The following THSD7A variants were observed in gnomAD, a reference collection of about 807,000 sequenced individuals.
THSD7A encodes the protein thrombospondin type 1 domain containing 7A.
In THSD7A, 96 loss-of-function variants were observed where a neutral mutation model predicts 231.3. The ratio of observed to expected loss-of-function variants is 0.41; its 90% CI spans 0.35 to 0.49. The LOEUF (loss-of-function observed/expected upper bound fraction) is 0.49. THSD7A is among the 20% of genes least tolerant of loss of function. The pLI is 0.05. For missense variants in THSD7A, 2,290 were observed against 2,070.2 expected (o/e 1.11, Z -2.06); for synonymous variants, 940 against 743.3 (o/e 1.26, Z -4.30).
chr7:11,732,040 G>A (rs1781753512), intron 1 of THSD7A, among the ~76,000 whole-genome samples: 1 of 151,518 alleles, frequency 6.6e-6, no homozygotes, highest in African/African-American at 2.4e-5. Flanking sequence ...TATATATTAA[G>A]AACAATGCTA....
At chr7:11,577,476 C>A (rs981038864) in intron 4 of THSD7A, among the ~76,000 whole-genome samples, 14 of 151,886 alleles carry the variant, frequency 9.2e-5, no homozygotes, top group Admixed American at 7.2e-4. Context: ...GCCACCACAC[C>A]CAGCTAATTT....
intron 4 of THSD7A, among the ~76,000 whole-genome samples, chr7:11,570,471 T>C (rs147359614): frequency 4.7e-4 from 71 of 152,252 alleles, no homozygotes; most frequent in African/African-American, 1.5e-3. Flanking sequence ...TATTTCAAAA[T>C]AGCTGGAAGA....
At chr7:11,653,744 C>T (rs1202078379) in intron 1 of THSD7A, among the ~76,000 whole-genome samples, 1 of 151,808 alleles carries the variant, frequency 6.6e-6, no homozygotes, top group Non-Finnish European at 1.5e-5. Context: ...AGCACAATAG[C>T]AGGAATTGGC....
intron 1 of THSD7A, among the ~76,000 whole-genome samples, chr7:11,725,651 T>C (rs984049483): frequency 2.6e-5 from 4 of 152,062 alleles, no homozygotes; most frequent in African/African-American, 2.4e-5. Context: ...AATAGACTTA[T>C]ATTGGTATAT....
intron 2 of THSD7A, among the ~76,000 whole-genome samples, chr7:11,617,125 A>G (rs1781133664): frequency 6.6e-6 from 1 of 152,188 alleles, no homozygotes; most frequent in Non-Finnish European, 1.5e-5. Flanking sequence ...ACCAAAAGTA[A>G]CATTTTATTT....
intron 1 of THSD7A, among the ~76,000 whole-genome samples, chr7:11,745,373 T>A (rs536971676): frequency 1.4e-5 from 2 of 144,204 alleles, no homozygotes; most frequent in African/African-American, 2.9e-5. Flanking sequence ...ATTGCAAAAA[T>A]TTTTTTCCCA....
In THSD7A at chr7:11,566,014, C is replaced by T. The variant is rs142674067; in HGVS notation, c.1454-22897G>A. On this transcript the variant is annotated intron_variant, in intron 4 of 27. Coordinates refer to ENST00000423059, the MANE Select transcript of THSD7A (RefSeq NM_015204.3). ...GGCTGCTAATATTCACCCCACTCAT[C>T]GCAAGACACATGATATCTATGACAA... 1.7e-4 allele frequency among the ~76,000 whole-genome samples: 26 copies of T among 151,880 alleles called. No homozygotes were observed. The East Asian group carries it at 4.7e-3, about 27-fold the overall frequency.
chr7:11,620,438 A>AT (rs1331108854), intron 2 of THSD7A, among the ~76,000 whole-genome samples: 4 of 152,224 alleles, frequency 2.6e-5, no homozygotes, highest in African/African-American at 9.6e-5. Context: ...GATTACAAGT[A>AT]TAAAGACATA....
intron 6 of THSD7A, among the ~76,000 whole-genome samples, chr7:11,539,933 GTACTAT>G (rs1203389444): frequency 6.6e-6 from 1 of 152,182 alleles, no homozygotes; most frequent in Non-Finnish European, 1.5e-5. Context: ...AAACGATCAA[GTACTAT>G]TACTGAGGGA....
chr7:11,531,800 T>C (rs1451469580), intron 6 of THSD7A, among the ~76,000 whole-genome samples: 1 of 152,174 alleles, frequency 6.6e-6, no homozygotes, highest in Non-Finnish European at 1.5e-5. Flanking sequence ...CTTCCGGGTA[T>C]AGCTCTATAG....
chr7:11,420,621 C>A (rs548314949), intron 16 of THSD7A, among the ~76,000 whole-genome samples: 17 of 152,346 alleles, frequency 1.1e-4, no homozygotes, highest in Non-Finnish European at 2.4e-4. Context: ...CCCCCCCACA[C>A]AGAGTCCCCA....
intron 1 of THSD7A, among the ~76,000 whole-genome samples, chr7:11,713,806 G>A (rs150667312): frequency 1.3e-5 from 2 of 151,314 alleles, no homozygotes; most frequent in South Asian, 2.1e-4. Flanking sequence ...ATTCCTATCA[G>A]TGGGTGCTGA....
chr7:11,373,747 C>G lies in THSD7A; in HGVS notation c.*2047G>C, dbSNP rs1482335011. 1.3e-5 allele frequency: 2 copies of G among 151,980 alleles called. No homozygotes were observed. The highest frequency in any genetic ancestry group is 4.8e-5 in the African/African-American group (2 of 41,398). 9.4% of individuals were successfully genotyped at this position (151,980 alleles called of 1,614,324 possible). On this transcript the variant is annotated 3_prime_UTR_variant, in exon 28 of 28. Transcript: ENST00000423059. ...TAATGAACAGCAGGGGGAGTTCATA[C>G]TCCAGTATGAAGGTAAAAATACCTT...
chr7:11,640,244 A>G (rs1024222928), intron 1 of THSD7A, among the ~76,000 whole-genome samples: 4 of 152,230 alleles, frequency 2.6e-5, no homozygotes, highest in African/African-American at 9.6e-5. Context: ...ACATAGAACA[A>G]GTTCAGTAAT....
chr7:11,775,031 G>A lies in THSD7A; in HGVS notation c.190+56726C>T, dbSNP rs375649553. Among the ~76,000 whole-genome samples, 46 of 152,244 alleles carry A rather than the reference G, an allele frequency of 3.0e-4. No homozygotes were observed. The East Asian group carries it at 7.9e-3, about 26-fold the overall frequency. On this transcript the variant is annotated intron_variant, in intron 1 of 27. Coordinates refer to ENST00000423059, the MANE Select transcript of THSD7A (RefSeq NM_015204.3). ...TGCACTCCAGCCTGGGTGACAGAGT[G>A]AGATTTGTCTCAAAAGCAAACAAAA...
intron 1 of THSD7A, among the ~76,000 whole-genome samples, chr7:11,666,739 A>T (rs1371723812): frequency 6.6e-6 from 1 of 150,966 alleles, no homozygotes; most frequent in South Asian, 2.1e-4. Context: ...AAATATATTT[A>T]TACATGTTAT....
chr7:11,728,044 G>A (rs985950952), intron 1 of THSD7A, among the ~76,000 whole-genome samples: 3 of 151,992 alleles, frequency 2.0e-5, no homozygotes, highest in Admixed American at 6.6e-5. Flanking sequence ...GTATGGTCAA[G>A]GGACCAGCAG....
chr7:11,494,233 C>G (rs1787009895), intron 6 of THSD7A, among the ~76,000 whole-genome samples: 1 of 152,020 alleles, frequency 6.6e-6, no homozygotes, highest in Non-Finnish European at 1.5e-5. Flanking sequence ...CATGGCCTCT[C>G]TTCTGATTGG....
intron 1 of THSD7A, among the ~76,000 whole-genome samples, chr7:11,685,314 G>A (rs1779998562): frequency 1.3e-5 from 2 of 151,742 alleles, no homozygotes; most frequent in South Asian, 4.1e-4. Context: ...ATTTGGCCTA[G>A]GTAAAAAATT....
Sources: gnomAD v4.1 joint callset for allele counts (sites outside exome capture counted in the v4.1 genomes callset) on GRCh38, gnomAD v4.1.1 for gene constraint, MANE v1.5 for transcripts, NCBI Gene and HGNC (gene_info 2026-07-23, HGNC 2026-07-21) for gene names.